Variants in ZFYVE19 observed in about 807,000 individuals in gnomAD.
ZFYVE19 encodes abscission/NoCut checkpoint regulator.
A neutral mutation model predicts 62.8 loss-of-function variants in ZFYVE19; 49 were observed. That is an observed-to-expected ratio of 0.78 (90% CI 0.62 to 0.99). The LOEUF is 0.99. Among genes scored for constraint, ZFYVE19 ranks in the 50% least tolerant of loss-of-function variants. ZFYVE19 has a pLI of 0.00. For missense variants in ZFYVE19, 630 were observed against 601.9 expected (o/e 1.05, Z -0.49); for synonymous variants, 242 against 234.3 (o/e 1.03, Z -0.30).
At chr15:40,812,553 A>T in intron 6 of ZFYVE19, 146 bp from the exon 7 acceptor site, 2 of 670,630 alleles carry the variant, frequency 3.0e-6, no homozygotes, top group Non-Finnish European at 4.6e-6. Flanking sequence ...CTCAAAAAAA[A>T]AAAAAAAGAA....
intron 4 of ZFYVE19, 37 bp downstream of exon 4, chr15:40,810,007 G>A (rs1187857382): frequency 1.2e-6 from 2 of 1,614,172 alleles, no homozygotes; most frequent in Non-Finnish European, 1.7e-6. Context: ...AGAGGACACA[G>A]TCCAGGGCTT....
intron 1 of ZFYVE19, chr15:40,808,269 G>A: frequency 6.3e-7 from 1 of 1,597,200 alleles, no homozygotes; most frequent in Non-Finnish European, 8.5e-7. Flanking sequence ...CCCTTCTCCA[G>A]GTCGCTGGAG....
chr15:40,812,957 C>T, intron 7 of ZFYVE19, 55 bp downstream of exon 7: 2 of 1,584,742 alleles, frequency 1.3e-6, no homozygotes, highest in Non-Finnish European at 1.7e-6. Flanking sequence ...GCCTCCCTGG[C>T]AGGGCTGAGT....
Position 40,814,422 on chromosome 15 carries a change from C to A in ZFYVE19, c.*196C>A. On this transcript the variant is annotated 3_prime_UTR_variant, in exon 11 of 11. Transcript: ENST00000355341. ...TGACTGGGAGGGAAGAAGTCGGGGC[C>A]CTCCTATTAGAAGCCCAGACTGGAA... is the stretch of plus-strand genomic sequence containing the variant. 1.5e-6 allele frequency: 1 copy of A among 665,660 alleles called. No individual in the cohort carries two copies. The highest frequency in any genetic ancestry group is 1.9e-5 in the South Asian group (1 of 52,418). The allele number at this position is 665,660 out of a possible 1,614,324, so 41.2% of individuals were successfully genotyped here. A position where few individuals can be genotyped will look rare whatever the true frequency, so the allele number is the denominator to read the frequency against.
At chr15:40,808,675 G>A (rs1203897926) in intron 1 of ZFYVE19, 1 of 341,420 alleles carries the variant, frequency 2.9e-6, no homozygotes, top group Non-Finnish European at 5.5e-6. Flanking sequence ...GTTAAGTACT[G>A]GGTTTAGTGC....
At chr15:40,811,309 T>C (rs1272112957) in intron 6 of ZFYVE19, among the ~76,000 whole-genome samples, 1 of 152,198 alleles carries the variant, frequency 6.6e-6, no homozygotes, top group Admixed American at 6.5e-5. Flanking sequence ...GAACATTCTG[T>C]TGGACAGTGC....
At chr15:40,809,739 G>A in intron 3 of ZFYVE19, 113 bp from the exon 4 acceptor site, 1 of 1,196,536 alleles carries the variant, frequency 8.4e-7, no homozygotes, top group South Asian at 1.4e-5. Flanking sequence ...ATTGCCCATT[G>A]GAGGCCTCCC....
Position 40,807,779 on chromosome 15 carries a change from C to T in ZFYVE19, c.190C>T (p.Leu64Phe), listed in dbSNP as rs761485835. The change falls in exon 1 of 11, where the codon CTC (leucine) becomes TTC (phenylalanine). Residue 64 changes from leucine (L) to phenylalanine (F), a missense_variant. Coordinates refer to ENST00000355341, the MANE Select transcript of ZFYVE19 (RefSeq NM_001077268.2). The stretch of plus-strand genomic sequence containing the variant: ...GGGCCCAGGACTTGGCCGGCGTGAT[C>T]TCAGCTCTGCAGACCCTGCGGTGCT... ...PRGPGLGRRD[L>F]SSADPAVLGA... 7 of 1,578,946 alleles carry T rather than the reference C, an allele frequency of 4.4e-6. No individual in the cohort carries two copies. In the African/African-American group the frequency reaches 5.4e-5, roughly 12 times the overall value.
intron 1 of ZFYVE19, 150 bp downstream of exon 1, chr15:40,808,018 T>C (rs1890326399): frequency 1.8e-6 from 2 of 1,136,080 alleles, no homozygotes; most frequent in Non-Finnish European, 2.6e-6. Context: ...TTCTGTAAAA[T>C]GGGGCTAACA....
chr15:40,807,925 G>A lies in ZFYVE19; in HGVS notation c.279+57G>A, dbSNP rs576840356. The A allele has an allele frequency of 3.7e-5, 57 of 1,545,204 alleles. No individual in the cohort carries two copies. The South Asian group carries it at 6.5e-4, about 18-fold the overall frequency. On this transcript the variant is annotated intron_variant, in intron 1 of 10. Transcript: ENST00000355341. ...CAGGGAGGAGAGGAGGGAAAAGCGC[G>A]GGACTTAACGTCCAAAGACTTGGTC...
At chr15:40,808,383 C>T (rs1433592170) in intron 1 of ZFYVE19, 4 of 1,596,250 alleles carry the variant, frequency 2.5e-6, no homozygotes, top group African/African-American at 1.3e-5. Context: ...CTGCAGGTTC[C>T]CTCTGCCTCA....
chr15:40,813,490 G>A, intron 8 of ZFYVE19, 73 bp downstream of exon 8: 1 of 1,450,446 alleles, frequency 6.9e-7, no homozygotes. Flanking sequence ...CTCTGGGGCT[G>A]GGTGGACAGT....
In ZFYVE19 at chr15:40,807,259, G is replaced by C. The variant is rs1184486189; in HGVS notation, c.-331G>C. 1 of 1,595,402 alleles carries C rather than the reference G, an allele frequency of 6.3e-7. No individual in the cohort carries two copies. The highest frequency in any genetic ancestry group is 1.1e-5 in the South Asian group (1 of 89,218). ...GGCATAGCGCCGACCCTCGCTCCCC[G>C]CCCAGGACCCGAATGAACCTGGAGA... On this transcript the variant is annotated 5_prime_UTR_variant, in exon 1 of 11. Coordinates refer to ENST00000355341, the MANE Select transcript of ZFYVE19 (RefSeq NM_001077268.2).
chr15:40,807,322 G>A lies in ZFYVE19; in HGVS notation c.-268G>A. The A allele has an allele frequency of 6.2e-7, 1 of 1,614,198 alleles. No individual in the cohort carries two copies. Among genetic ancestry groups the A allele is most frequent in the South Asian group, 1.1e-5 (1 of 91,086 alleles). Reference sequence around the variant, plus strand: ...AGTGGCCGAGGCGCTAGGACAGGAAGGACCGCCAGACCTCTCAAGATCAGC... The same window carrying A: ...AGTGGCCGAGGCGCTAGGACAGGAAAGACCGCCAGACCTCTCAAGATCAGC... On this transcript the variant is annotated 5_prime_UTR_variant, in exon 1 of 11. Coordinates refer to ENST00000355341, the MANE Select transcript of ZFYVE19 (RefSeq NM_001077268.2).
Position 40,809,981 on chromosome 15 carries a change from G to A in ZFYVE19, c.571+11G>A, listed in dbSNP as rs764798845. The A allele has an allele frequency of 2.5e-6, 4 of 1,614,210 alleles. No homozygotes were observed. The highest frequency in any genetic ancestry group is 2.2e-5 in the East Asian group (1 of 44,888). On this transcript the variant is annotated intron_variant, in intron 4 of 10. Transcript: ENST00000355341. The stretch of plus-strand genomic sequence containing the variant: ...AGGAGAACAAGCCCAGTGAGCAGGG[G>A]CAGATGGGGTTGCCTAGAGGACACA...
chr15:40,807,668 C>T lies in ZFYVE19; in HGVS notation c.79C>T (p.Leu27=), dbSNP rs777054921. 6 of 1,611,742 alleles carry T rather than the reference C, an allele frequency of 3.7e-6. No homozygotes were observed. The African/African-American group carries it at 6.7e-5, about 18-fold the overall frequency. Reference sequence around the variant, plus strand: ...CAGGAGAGCGTCCGGATTCCCTGCTCTAGGTCGCGGCGGGACAGTGCCAGT... The same window carrying T: ...CAGGAGAGCGTCCGGATTCCCTGCTTTAGGTCGCGGCGGGACAGTGCCAGT... ...GCRRASGFPA[L]GRGGTVPVGV... Residue 27 remains leucine, a synonymous_variant, in exon 1 of 11, where the codon CTA becomes TTA. Transcript: ENST00000355341.
intron 1 of ZFYVE19, chr15:40,808,131 C>CTTTAATTTTTTTTTTTTTTTTTTTTTT (rs777017036): frequency 6.8e-7 from 1 of 1,479,042 alleles, no homozygotes; most frequent in African/African-American, 1.4e-5. Context: ...CAAAGCTACT[C>CTTTAATTTTTTTTTTTTTTTTTTTTTT]TTTTCTGTCG....
At position 40,809,198 on chromosome 15, in the gene ZFYVE19, C is replaced by A; in HGVS notation, c.359C>A (p.Thr120Asn). The A allele has an allele frequency of 6.8e-6, 11 of 1,614,210 alleles. No individual in the cohort carries two copies. The highest frequency in any genetic ancestry group is 8.5e-6 in the Non-Finnish European group (10 of 1,180,044). The part of the protein sequence containing the change: ...FSAAVPRTGN[T>N]QQKVCKQCHE... ...GCAGCAGTGCCTCGGACTGGGAACA[C>A]CCAACAGAAAGTCTGCAAGCAATGC... The change falls in exon 2 of 11, where the codon ACC becomes AAC. Residue 120 changes from threonine (T) to asparagine (N), a missense_variant. By Grantham distance (65) the Thr-to-Asn change is moderately conservative. Transcript: ENST00000355341.
rs769508946 is a variant in ZFYVE19 at position 40,810,712 on chromosome 15, G to T, written c.781G>T (p.Ala261Ser). 5 of 1,574,786 alleles carry T rather than the reference G, an allele frequency of 3.2e-6. No individual in the cohort carries two copies. The highest frequency in any genetic ancestry group is 1.7e-6 in the Non-Finnish European group (2 of 1,159,940). ...GACACAGGATCTGCTAACGCAGCTG[G>T]CAGCTGAGGTGGCTATCGATGAAAG... ...QQTQDLLTQL[A>S]AEVAIDESWK... is the part of the protein sequence containing the mutation. The change falls in exon 6 of 11, where the codon GCA becomes TCA. Residue 261 changes from alanine (A) to serine (S), a missense_variant. Transcript: ENST00000355341.
Sources: allele counts gnomAD v4.1 joint callset (sites outside exome capture counted in the v4.1 genomes callset), GRCh38; gene constraint gnomAD v4.1.1; transcripts MANE v1.5; gene names NCBI Gene and HGNC (gene_info 2026-07-23, HGNC 2026-07-21).